SFTPC: variants seen among roughly 807,000 people sequenced by gnomAD.
SFTPC encodes BRICHOS domain containing 6.
In SFTPC, 12 loss-of-function variants were observed where a neutral mutation model predicts 19.9. That is an observed-to-expected ratio of 0.60 (90% CI 0.39 to 0.98). The LOEUF (loss-of-function observed/expected upper bound fraction) is 0.98. Among genes scored for constraint, SFTPC ranks in the 50% least tolerant of loss-of-function variants. The pLI, the probability that SFTPC is intolerant of heterozygous loss-of-function variation, is 0.00. For missense variants in SFTPC, 219 were observed against 252.2 expected, an observed-to-expected ratio of 0.87 and a Z score of 0.89; for synonymous variants, 123 against 103.3, an observed-to-expected ratio of 1.19 and a Z score of -1.16.
intron 2 of SFTPC, 30 bp downstream of exon 2, chr8:22,162,762 C>T (rs369959086): frequency 2.5e-6 from 4 of 1,613,244 alleles, no homozygotes; most frequent in Non-Finnish European, 2.5e-6. Flanking sequence ...CAGCAGTGGG[C>T]ACAGGACATG....
In SFTPC at chr8:22,163,981, G is replaced by A. The variant is rs149606090; in HGVS notation, c.516G>A (p.Pro172=). Residue 172 remains proline (P), a synonymous_variant, in exon 5 of 6, where the codon CCG becomes CCA. Transcript: ENST00000679463. ...DAGSAPSGGD[P]AFLGMAVSTL... ...GCTCAGCACCCTCCGGAGGGGACCC[G>A]GCCTTCCTGGGCATGGCCGTGAGCA... The A allele has an allele frequency of 3.6e-5, 58 of 1,612,732 alleles. No individual in the cohort carries two copies. The African/African-American group carries it at 5.3e-4, about 15-fold the overall frequency.
At chr8:22,161,759 C>G (rs750070143), upstream of SFTPC, 118 of 1,613,498 alleles carry the variant, frequency 7.3e-5, no homozygotes, top group Non-Finnish European at 9.7e-5. Context: ...TCCCCTCTCC[C>G]TACGGACACA....
In SFTPC at chr8:22,163,478, A is replaced by C. The variant is rs78029713; in HGVS notation, c.367A>C (p.Ile123Leu). ...YKPAPGTCCY[I>L]MKIAPESIPS... ...GCCAGCCCCTGGCACCTGCTGCTAC[A>C]TCATGAAGATAGCTCCAGAGAGCAT... The change falls in exon 4 of 6, where the codon ATC (isoleucine) becomes CTC (leucine). Residue 123 changes from isoleucine to leucine, a missense_variant. Ile to Leu is a conservative substitution (Grantham distance 5). Coordinates refer to ENST00000679463, the MANE Select transcript of SFTPC (RefSeq NM_001317778.2). The C allele has an allele frequency of 6.2e-7, 1 of 1,613,998 alleles. No individual in the cohort carries two copies. The highest frequency in any genetic ancestry group is 1.3e-5 in the African/African-American group (1 of 74,942).
upstream of SFTPC, chr8:22,161,762 C>T (rs377267823): frequency 2.6e-4 from 417 of 1,613,618 alleles, 2 homozygotes; most frequent in Middle Eastern, 2.2e-3. Flanking sequence ...CCTCTCCCTA[C>T]GGACACATAT....
upstream of SFTPC, among the ~76,000 whole-genome samples, chr8:22,160,240 G>T (rs1452505811): frequency 6.6e-6 from 1 of 152,160 alleles, no homozygotes; most frequent in South Asian, 2.1e-4. Context: ...GGGGGACAGG[G>T]GAACCTGCCA....
chr8:22,158,161 G>C (rs538939424), upstream of SFTPC, among the ~76,000 whole-genome samples: 2 of 152,176 alleles, frequency 1.3e-5, no homozygotes, highest in East Asian at 1.9e-4. Flanking sequence ...TCCAGGGAAC[G>C]AAGACCACTG....
intron 1 of SFTPC, among the ~76,000 whole-genome samples, 168 bp downstream of exon 1, chr8:22,162,038 C>G (rs1347620630): frequency 6.6e-6 from 1 of 152,070 alleles, no homozygotes; most frequent in Non-Finnish European, 1.5e-5. Context: ...AAGCCAGGGA[C>G]CCTTGGGGAG....
At chr8:22,160,195 T>C (rs1387077424), upstream of SFTPC, among the ~76,000 whole-genome samples, 2 of 152,108 alleles carry the variant, frequency 1.3e-5, no homozygotes, top group Non-Finnish European at 2.9e-5. Context: ...CATGCTGTTA[T>C]GCAACCTTGG....
rs1178477115 is a variant in SFTPC, at chr8:22,163,148, C to T, written c.270C>T (p.Thr90=). ...QRLALSEHLV[T]TATFSIGSTG... The stretch of plus-strand genomic sequence containing the variant: ...TGGCCCTGAGTGAGCACCTGGTTAC[C>T]ACTGCCACCTTCTCCATCGGCTCCA... The change falls in exon 3 of 6, where the codon ACC becomes ACT. Residue 90 remains threonine, a synonymous_variant. Coordinates refer to ENST00000679463, the MANE Select transcript of SFTPC (RefSeq NM_001317778.2). 3.1e-6 allele frequency: 5 copies of T among 1,614,062 alleles called. No individual in the cohort carries two copies. The South Asian group carries it at 4.4e-5, about 14-fold the overall frequency.
chr8:22,157,947 A>G (rs943475418), upstream of SFTPC, among the ~76,000 whole-genome samples: 1 of 152,248 alleles, frequency 6.6e-6, no homozygotes, highest in African/African-American at 2.4e-5. Flanking sequence ...CATATCCCAC[A>G]TAAACAAAAG....
At chr8:22,162,433 C>T in intron 1 of SFTPC, 141 bp from the exon 2 acceptor site, 1 of 903,182 alleles carries the variant, frequency 1.1e-6, no homozygotes, top group South Asian at 1.4e-5. Context: ...CTTCTCTGAT[C>T]TCCTCAGCCC....
Position 22,162,856 on chromosome 8 carries a change from G to A in SFTPC, c.201+124G>A, listed in dbSNP as rs1586420612. On this transcript the variant is annotated intron_variant, in intron 2 of 5. Coordinates refer to ENST00000679463, the MANE Select transcript of SFTPC (RefSeq NM_001317778.2). The stretch of plus-strand genomic sequence containing the variant: ...GAGGAGGCAAGGGGCACAGCTAGAA[G>A]GAAAGAGGCACGAACCAGGCAGCAA... 6 of 1,416,200 alleles carry A rather than the reference G, an allele frequency of 4.2e-6. No individual in the cohort carries two copies. The East Asian group carries it at 6.8e-5, about 16-fold the overall frequency. 87.7% of individuals were successfully genotyped at this position (1,416,200 alleles called of 1,614,324 possible).
chr8:22,162,364 T>C (rs973421515), intron 1 of SFTPC, among the ~76,000 whole-genome samples: 7 of 152,194 alleles, frequency 4.6e-5, no homozygotes, highest in African/African-American at 9.7e-5. Context: ...TAGACCCTGC[T>C]TCTAAGCTTC....
In SFTPC at chr8:22,162,738, A is replaced by T. The variant is rs374242392; in HGVS notation, c.201+6A>T. On this transcript the variant is annotated splice_donor_region_variant and intron_variant, in intron 2 of 5. Transcript: ENST00000679463. ...GCCAGAAACACACGGAGATGGTGAGAGGTGTGGGATGCACAGCAGTGGGCA... is the reference window on the plus strand; with the variant it reads ...GCCAGAAACACACGGAGATGGTGAGTGGTGTGGGATGCACAGCAGTGGGCA... 5.0e-6 allele frequency: 8 copies of T among 1,613,882 alleles called. No homozygotes were observed. The African/African-American group carries it at 6.7e-5, about 13-fold the overall frequency.
At chr8:22,163,846 C>A in intron 4 of SFTPC, 55 bp from the exon 5 acceptor site, 1 of 1,483,376 alleles carries the variant, frequency 6.7e-7, no homozygotes, top group Non-Finnish European at 9.4e-7. Flanking sequence ...ACAATAAGGG[C>A]TGCACATGGG....
At chr8:22,161,729 G>A (rs74639360), upstream of SFTPC, 22 of 1,611,822 alleles carry the variant, frequency 1.4e-5, no homozygotes, top group Admixed American at 1.2e-4. Flanking sequence ...GCACACAGGG[G>A]GCTTGGTCCT....
chr8:22,160,230 G>A (rs1037195605), upstream of SFTPC, among the ~76,000 whole-genome samples: 1 of 152,330 alleles, frequency 6.6e-6, no homozygotes, highest in East Asian at 1.9e-4. Flanking sequence ...CAGATGGAGA[G>A]GGGGACAGGG....
At position 22,163,931 on chromosome 8, in the gene SFTPC, G is replaced by T; in HGVS notation, c.466G>T (p.Gly156Cys). 6.2e-7 allele frequency: 1 copy of T among 1,613,892 alleles called. No individual in the cohort carries two copies. The highest frequency in any genetic ancestry group is 8.5e-7 in the Non-Finnish European group (1 of 1,180,034). Reference protein sequence around the residue: ...AKPAVPTSKLGQAEGRDAGSA... With the variant: ...AKPAVPTSKLCQAEGRDAGSA... ...GCCCGCAGTGCCTACGTCTAAGCTGGGCCAGGCAGAGGGGCGAGATGCAGG... is the reference window on the plus strand; with the variant it reads ...GCCCGCAGTGCCTACGTCTAAGCTGTGCCAGGCAGAGGGGCGAGATGCAGG... The change falls in exon 5 of 6, where the codon GGC becomes TGC. Residue 156 changes from glycine (G) to cysteine (C), a missense_variant. Coordinates refer to ENST00000679463, the MANE Select transcript of SFTPC (RefSeq NM_001317778.2).
At chr8:22,161,981 A>T in intron 1 of SFTPC, 111 bp downstream of exon 1, 2 of 1,103,568 alleles carry the variant, frequency 1.8e-6, no homozygotes, top group Admixed American at 3.8e-5. Flanking sequence ...CATTCACTCA[A>T]CTAACCTAGG....
Sources: gnomAD v4.1 joint callset for allele counts (sites outside exome capture counted in the v4.1 genomes callset) on GRCh38, gnomAD v4.1.1 for gene constraint, MANE v1.5 for transcripts, NCBI Gene and HGNC (gene_info 2026-07-23, HGNC 2026-07-21) for gene names.